The following EPHA6 variants were observed in gnomAD, a reference collection of about 807,000 sequenced individuals.
EPHA6 encodes the protein ephrin type-A receptor 6.
A neutral mutation model predicts 112.0 loss-of-function variants in EPHA6; 50 were observed. That is an observed-to-expected ratio of 0.45 (90% CI 0.36 to 0.56). The LOEUF is 0.56. Ranked by LOEUF, EPHA6 falls within the 20% of genes least tolerant of loss-of-function variation. The probability of loss-of-function intolerance (pLI) is 0.00; values close to 1 mark genes in which losing one functional copy is unlikely to be tolerated. For missense variants in EPHA6, 1,280 were observed against 1,417.4 expected (o/e 0.90, Z 1.56); for synonymous variants, 529 against 490.7 (o/e 1.08, Z -1.03).
At chr3:97,718,755 C>T (rs1012091747) in intron 14 of EPHA6, among the ~76,000 whole-genome samples, 2 of 152,124 alleles carry the variant, frequency 1.3e-5, no homozygotes, top group Non-Finnish European at 2.9e-5. Flanking sequence ...ATGAAAACCT[C>T]GGGCTTCAGG....
intron 2 of EPHA6, among the ~76,000 whole-genome samples, chr3:96,931,826 A>T (rs2040341553): frequency 6.6e-6 from 1 of 152,128 alleles, no homozygotes; most frequent in Non-Finnish European, 1.5e-5. Flanking sequence ...CCCTGGATTC[A>T]GCCCGCTTCC....
chr3:97,557,893 C>T lies in EPHA6; in HGVS notation c.2386+25350C>T, dbSNP rs536426897. On this transcript the variant is annotated intron_variant, in intron 11 of 17. Coordinates refer to ENST00000389672, the MANE Select transcript of EPHA6 (RefSeq NM_001080448.3). ...ATCTCATTATAATCCCTTAAGAATT[C>T]TCATCACACATTTTTCATGACTCAT... is the stretch of plus-strand genomic sequence containing the variant. Among the ~76,000 whole-genome samples, 281 of 151,800 alleles carry T rather than the reference C, an allele frequency of 1.9e-3. 1 individual carries two copies. The highest frequency in any genetic ancestry group is 6.5e-3 in the African/African-American group (269 of 41,412).
intron 12 of EPHA6, among the ~76,000 whole-genome samples, chr3:97,601,359 A>G (rs2093641820): frequency 6.6e-6 from 1 of 152,122 alleles, no homozygotes; most frequent in Non-Finnish European, 1.5e-5. Flanking sequence ...TGGGAACATA[A>G]TAAGAAACTA....
chr3:97,692,641 T>C (rs755642648), intron 14 of EPHA6, among the ~76,000 whole-genome samples: 12 of 152,234 alleles, frequency 7.9e-5, no homozygotes, highest in Admixed American at 2.6e-4. Context: ...AACATCTCTC[T>C]GTGTGACTCG....
At chr3:97,605,188 T>A (rs867599875) in intron 12 of EPHA6, among the ~76,000 whole-genome samples, 7 of 151,532 alleles carry the variant, frequency 4.6e-5, no homozygotes, top group Middle Eastern at 3.4e-3. Flanking sequence ...GCTTTTTTTT[T>A]AAAGTATATG....
intron 2 of EPHA6, among the ~76,000 whole-genome samples, chr3:96,912,791 T>G (rs1406683554): frequency 6.6e-6 from 1 of 152,018 alleles, no homozygotes; most frequent in Non-Finnish European, 1.5e-5. Context: ...GAGGTCTCAC[T>G]ATGTTGCACA....
intron 6 of EPHA6, among the ~76,000 whole-genome samples, chr3:97,434,297 A>T (rs1308129299): frequency 6.6e-6 from 1 of 152,148 alleles, no homozygotes; most frequent in Non-Finnish European, 1.5e-5. Flanking sequence ...GACTTAATTC[A>T]TATAGTAGCT....
chr3:97,525,956 C>A (rs1448196706), intron 10 of EPHA6, among the ~76,000 whole-genome samples: 1 of 152,136 alleles, frequency 6.6e-6, no homozygotes, highest in African/African-American at 2.4e-5. Flanking sequence ...TGTTGGATAA[C>A]TAAATGAGTA....
intron 5 of EPHA6, among the ~76,000 whole-genome samples, chr3:97,291,906 T>C (rs541676940): frequency 1.3e-5 from 2 of 152,254 alleles, no homozygotes; most frequent in South Asian, 4.1e-4. Flanking sequence ...TTGTGCCTGC[T>C]GGACTTGTGC....
intron 5 of EPHA6, among the ~76,000 whole-genome samples, chr3:97,251,264 C>A (rs1019771054): frequency 1.3e-5 from 2 of 152,232 alleles, no homozygotes; most frequent in Non-Finnish European, 2.9e-5. Flanking sequence ...GGCGCAGTGG[C>A]TCACGCCTGT....
intron 10 of EPHA6, among the ~76,000 whole-genome samples, chr3:97,526,758 C>T (rs1459059113): frequency 6.6e-6 from 1 of 152,164 alleles, no homozygotes; most frequent in Non-Finnish European, 1.5e-5. Flanking sequence ...TCACCCTGTG[C>T]CATTGGGATT....
At chr3:97,701,046 A>G (rs1332755571) in intron 14 of EPHA6, among the ~76,000 whole-genome samples, 1 of 152,218 alleles carries the variant, frequency 6.6e-6, no homozygotes, top group East Asian at 1.9e-4. Context: ...CACAGTATCC[A>G]GAGCATCTGT....
intron 3 of EPHA6, among the ~76,000 whole-genome samples, chr3:97,078,776 T>G (rs568970343): frequency 5.9e-5 from 9 of 152,094 alleles, no homozygotes; most frequent in Non-Finnish European, 1.3e-4. Context: ...TGCAATCTTG[T>G]GATAAAACTT....
rs1189803463 is a variant in EPHA6 at position 97,405,163 on chromosome 3, A to G, written c.1620A>G (p.Ile540Met). ...CTTTCCTTTCAGCACCTTCCCTGATAGGTGTGGTAAGGAAGGACTGGGCAT... is the reference window on the plus strand; with the variant it reads ...CTTTCCTTTCAGCACCTTCCCTGATGGGTGTGGTAAGGAAGGACTGGGCAT... ...VTTDQDAPSLIGVVRKDWASQ... is the reference protein window; with the variant it reads ...VTTDQDAPSLMGVVRKDWASQ... The change falls in exon 6 of 18, where the codon ATA (isoleucine) becomes ATG (methionine). Residue 540 changes from isoleucine to methionine, a missense_variant. Physicochemically the swap from Ile to Met is conservative, Grantham distance 10 (BLOSUM62 1). This residue lies in a region of EPHA6 where 878 missense variants were observed against 999.7 expected (regional missense o/e 0.88). Coordinates refer to ENST00000389672, the MANE Select transcript of EPHA6 (RefSeq NM_001080448.3). 3.1e-6 allele frequency: 5 copies of G among 1,598,830 alleles called. No individual in the cohort carries two copies. The highest frequency in any genetic ancestry group is 1.7e-4 in the Middle Eastern group (1 of 6,044).
intron 5 of EPHA6, among the ~76,000 whole-genome samples, chr3:97,247,299 A>G (rs887957296): frequency 1.2e-4 from 18 of 151,996 alleles, no homozygotes; most frequent in East Asian, 5.8e-4. Context: ...TTTATTTAAC[A>G]TATTTTTAGT....
At chr3:97,614,616 T>G (rs1483899663) in intron 13 of EPHA6, among the ~76,000 whole-genome samples, 1 of 151,572 alleles carries the variant, frequency 6.6e-6, no homozygotes, top group African/African-American at 2.4e-5. Flanking sequence ...CCTTCCAAAG[T>G]GCTGGGATTA....
intron 5 of EPHA6, among the ~76,000 whole-genome samples, chr3:97,382,651 C>T (rs1245451708): frequency 2.6e-5 from 4 of 151,942 alleles, no homozygotes; most frequent in East Asian, 3.9e-4. Flanking sequence ...TACCACCTGA[C>T]GACTCTTACA....
At position 97,023,649 on chromosome 3, in the gene EPHA6, A is replaced by T. The variant is rs1437443042; in HGVS notation, c.1114+35656A>T. Among the ~76,000 whole-genome samples the T allele has an allele frequency of 2.0e-5, 3 of 151,982 alleles. No individual in the cohort carries two copies. The East Asian group carries it at 5.8e-4, about 29-fold the overall frequency. The stretch of plus-strand genomic sequence containing the variant: ...TTTATAGTATATGACCTTTAGAAGT[A>T]AAATGTTAAATTTTTTTTTTTTTAC... On this transcript the variant is annotated intron_variant, in intron 3 of 17. Coordinates refer to ENST00000389672, the MANE Select transcript of EPHA6 (RefSeq NM_001080448.3).
intron 5 of EPHA6, among the ~76,000 whole-genome samples, chr3:97,283,636 T>A (rs2080366411): frequency 6.6e-6 from 1 of 151,958 alleles, no homozygotes; most frequent in African/African-American, 2.4e-5. Context: ...GGGAGAGCAT[T>A]GGGATAAATA....
Sources: gnomAD v4.1 joint callset for allele counts (sites outside exome capture counted in the v4.1 genomes callset) on GRCh38, gnomAD v4.1.1 for gene constraint, gnomAD v4.1.1 regional missense constraint, MANE v1.5 for transcripts, NCBI Gene and HGNC (gene_info 2026-07-23, HGNC 2026-07-21) for gene names.